MYO6: variants seen among roughly 807,000 people sequenced by gnomAD.
MYO6 encodes unconventional myosin-VI.
MYO6 carries 74 observed loss-of-function variants against 178.7 expected under a neutral mutation model. The ratio of observed to expected loss-of-function variants is 0.41; its 90% CI spans 0.34 to 0.50. MYO6 has a LOEUF of 0.50. Ranked by LOEUF, MYO6 falls within the 20% of genes least tolerant of loss-of-function variation. The probability of loss-of-function intolerance (pLI) is 0.09; values close to 1 mark genes in which losing one functional copy is unlikely to be tolerated. For missense variants in MYO6, 1,330 were observed against 1,547.4 expected (o/e 0.86, Z 2.36); for synonymous variants, 477 against 504.6 (o/e 0.95, Z 0.73).
At chr6:75,900,377 C>T (rs1779659528) in intron 30 of MYO6, among the ~76,000 whole-genome samples, 2 of 152,184 alleles carry the variant, frequency 1.3e-5, no homozygotes, top group Admixed American at 1.3e-4. Context: ...TCCTATTTCT[C>T]CACATCGTCT....
At chr6:75,897,257 T>C (rs868724047) in intron 29 of MYO6, among the ~76,000 whole-genome samples, 1 of 152,230 alleles carries the variant, frequency 6.6e-6, no homozygotes, top group Admixed American at 6.5e-5. Flanking sequence ...AACATACTTA[T>C]CAAAATCTGC....
intron 23 of MYO6, among the ~76,000 whole-genome samples, chr6:75,882,096 A>G (rs764617269): frequency 3.3e-5 from 5 of 152,122 alleles, no homozygotes; most frequent in Non-Finnish European, 7.4e-5. Context: ...ACCCCTCACC[A>G]TCCCCTAATC....
intron 20 of MYO6, among the ~76,000 whole-genome samples, chr6:75,876,292 T>G (rs1777564296): frequency 6.6e-6 from 1 of 152,166 alleles, no homozygotes; most frequent in African/African-American, 2.4e-5. Flanking sequence ...CCCTCCTTTA[T>G]TCCATAAGCC....
chr6:75,764,159 C>T (rs971466273), intron 1 of MYO6, among the ~76,000 whole-genome samples: 4 of 152,210 alleles, frequency 2.6e-5, no homozygotes, highest in Admixed American at 6.5e-5. Context: ...GATCCTCCAC[C>T]TCAGCTTCCC....
At chr6:75,843,727 C>A (rs566301274) in intron 9 of MYO6, among the ~76,000 whole-genome samples, 4 of 151,690 alleles carry the variant, frequency 2.6e-5, no homozygotes, top group Middle Eastern at 3.4e-3. Flanking sequence ...CTGCTCCCTT[C>A]TCTTTTATTT....
chr6:75,876,217 A>G (rs1777558884), intron 20 of MYO6, among the ~76,000 whole-genome samples: 1 of 152,180 alleles, frequency 6.6e-6, no homozygotes, highest in Non-Finnish European at 1.5e-5. Context: ...TGCTGAGCTC[A>G]AGTGCCTTTA....
Position 75,916,842 on chromosome 6 carries a change from A to T in MYO6, c.*1830A>T, listed in dbSNP as rs145278818. 6.6e-6 allele frequency: 1 copy of T among 152,336 alleles called. No homozygotes were observed. Among genetic ancestry groups the T allele is most frequent in the African/African-American group, 2.4e-5 (1 of 41,578 alleles). The allele number at this position is 152,336 out of a possible 1,614,324, so 9.4% of individuals were successfully genotyped here. A position where few individuals can be genotyped will look rare whatever the true frequency, so the allele number is the denominator to read the frequency against. On this transcript the variant is annotated 3_prime_UTR_variant, in exon 35 of 35. Coordinates refer to ENST00000369977, the MANE Select transcript of MYO6 (RefSeq NM_004999.4). ...TAAATGAGAGAATCTAATGTTTCAG[A>T]AATTTGTAAGAAATGTATCACAGCA...
Position 75,915,223 on chromosome 6 carries a change from T to G in MYO6, c.*211T>G, listed in dbSNP as rs957395918. 4 of 586,260 alleles carry G rather than the reference T, an allele frequency of 6.8e-6. No homozygotes were observed. The African/African-American group carries it at 7.5e-5, about 11-fold the overall frequency. 36.3% of individuals were successfully genotyped at this position (586,260 alleles called of 1,614,324 possible). ...ATTATTTTTCTGTATCCCGCTGTAA[T>G]TCCCAAAACTCTCATTATTCTCTAA... On this transcript the variant is annotated 3_prime_UTR_variant, in exon 35 of 35. Transcript: ENST00000369977.
intron 18 of MYO6, 125 bp downstream of exon 18, chr6:75,867,230 T>C: frequency 1.4e-6 from 1 of 724,688 alleles, no homozygotes; most frequent in South Asian, 2.0e-5. Context: ...AGACCCTGCA[T>C]TGTTGATATT....
chr6:75,894,405 T>C (rs1484643185), intron 28 of MYO6, among the ~76,000 whole-genome samples: 1 of 152,222 alleles, frequency 6.6e-6, no homozygotes. Flanking sequence ...TTTAGTTATG[T>C]GGTTCAGGCC....
chr6:75,826,305 T>C (rs1270534237), intron 3 of MYO6, among the ~76,000 whole-genome samples: 2 of 152,200 alleles, frequency 1.3e-5, no homozygotes, highest in African/African-American at 2.4e-5. Flanking sequence ...CAAATTCTTA[T>C]TGTCATCAGC....
chr6:75,845,699 A>T (rs1583257842), intron 10 of MYO6, among the ~76,000 whole-genome samples: 2 of 147,752 alleles, frequency 1.4e-5, no homozygotes, highest in Admixed American at 1.4e-4. Context: ...AACAAAAAAA[A>T]GCTGGTCAGG....
At chr6:75,789,122 A>G (rs1767973001) in intron 1 of MYO6, among the ~76,000 whole-genome samples, 2 of 152,288 alleles carry the variant, frequency 1.3e-5, no homozygotes, top group South Asian at 4.1e-4. Flanking sequence ...ACCAACCTCA[A>G]AGTACTTTCT....
At chr6:75,842,202 GCACACA>G (rs375234110) in intron 9 of MYO6, among the ~76,000 whole-genome samples, 4 of 148,892 alleles carry the variant, frequency 2.7e-5, no homozygotes, top group Non-Finnish European at 4.5e-5. Context: ...ACACACACAT[GCACACA>G]CACACACACA....
At chr6:75,902,007 G>T (rs1159106214) in intron 30 of MYO6, among the ~76,000 whole-genome samples, 1 of 152,186 alleles carries the variant, frequency 6.6e-6, no homozygotes, top group Non-Finnish European at 1.5e-5. Context: ...CTTTGGTTCT[G>T]TTTATATGCT....
At chr6:75,760,396 A>C (rs1197223351) in intron 1 of MYO6, among the ~76,000 whole-genome samples, 1 of 152,134 alleles carries the variant, frequency 6.6e-6, no homozygotes, top group Non-Finnish European at 1.5e-5. Context: ...CAAAACAATT[A>C]GATTATGACT....
chr6:75,883,094 T>C (rs1190200013), intron 23 of MYO6, among the ~76,000 whole-genome samples: 1 of 152,196 alleles, frequency 6.6e-6, no homozygotes, highest in Non-Finnish European at 1.5e-5. Context: ...ACATACACAA[T>C]GTTTACCCAG....
chr6:75,805,846 G>A (rs902485415), intron 1 of MYO6, among the ~76,000 whole-genome samples: 68 of 152,242 alleles, frequency 4.5e-4, no homozygotes, highest in African/African-American at 1.6e-3. Flanking sequence ...AAGTTAGAAT[G>A]TGTTTAAGAC....
At position 75,858,937 on chromosome 6, in the gene MYO6, A is replaced by G; in HGVS notation, c.1417A>G (p.Ile473Val). Residue 473 changes from isoleucine to valine, a missense_variant, in exon 14 of 35, where the codon ATC becomes GTC. Physicochemically the swap from Ile to Val is conservative, Grantham distance 29. Around this residue, in one of 3 missense-constraint regions of MYO6, gnomAD observed 613 missense variants for 816.8 expected, o/e 0.75. Transcript: ENST00000369977. ...FEHNSFEQFC[I>V]NYCNEKLQQF... is the part of the protein sequence containing the mutation. ...GCATAACAGTTTTGAACAATTTTGC[A>G]TCAACTATTGCAATGAAAAACTTCA... The G allele has an allele frequency of 1.9e-6, 3 of 1,611,442 alleles. No homozygotes were observed. Among genetic ancestry groups the G allele is most frequent in the Non-Finnish European group, 1.7e-6 (2 of 1,178,240 alleles).
Sources: allele counts gnomAD v4.1 joint callset (sites outside exome capture counted in the v4.1 genomes callset), GRCh38; gene constraint gnomAD v4.1.1; regional missense constraint gnomAD v4.1.1; transcripts MANE v1.5; gene names NCBI Gene and HGNC (gene_info 2026-07-23, HGNC 2026-07-21).